ATRNL1: variants seen among roughly 807,000 people sequenced by gnomAD.
ATRNL1 encodes the protein attractin-like protein 1.
In ATRNL1, 95 loss-of-function variants were observed where a neutral mutation model predicts 182.7. That is an observed-to-expected ratio of 0.52 (90% CI 0.44 to 0.62). ATRNL1 has a LOEUF of 0.62. Ranked by LOEUF, ATRNL1 falls within the 20% of genes least tolerant of loss-of-function variation. The pLI, the probability that ATRNL1 is intolerant of heterozygous loss-of-function variation, is 0.00. For missense variants in ATRNL1, 1,471 were observed against 1,679.5 expected, an observed-to-expected ratio of 0.88 and a Z score of 2.17; for synonymous variants, 576 against 568.3, an observed-to-expected ratio of 1.01 and a Z score of -0.19.
intron 8 of ATRNL1, among the ~76,000 whole-genome samples, chr10:115,203,399 A>G (rs1022392346): frequency 6.6e-6 from 1 of 152,084 alleles, no homozygotes; most frequent in Non-Finnish European, 1.5e-5. Flanking sequence ...AGTAAATAAT[A>G]GCCCCCTCAT....
intron 5 of ATRNL1, among the ~76,000 whole-genome samples, chr10:115,136,288 A>G (rs961370215): frequency 1.3e-5 from 2 of 152,232 alleles, no homozygotes; most frequent in African/African-American, 2.4e-5. Context: ...AATAAAAAAA[A>G]TAGACTTCAT....
At chr10:115,310,390 T>C (rs1246937170) in intron 17 of ATRNL1, among the ~76,000 whole-genome samples, 1 of 152,168 alleles carries the variant, frequency 6.6e-6, no homozygotes, top group Non-Finnish European at 1.5e-5. Flanking sequence ...CTCAGTCTTT[T>C]GCAACAGTTT....
chr10:115,300,377 C>T (rs1270840292), intron 16 of ATRNL1, 130 bp downstream of exon 16: 1 of 651,636 alleles, frequency 1.5e-6, no homozygotes. Context: ...CATTCTTCCC[C>T]ACTTACTATT....
At chr10:115,491,210 G>A (rs1285490451) in intron 24 of ATRNL1, among the ~76,000 whole-genome samples, 2 of 152,134 alleles carry the variant, frequency 1.3e-5, no homozygotes, top group East Asian at 3.9e-4. Flanking sequence ...TACACTGGGG[G>A]TCAGGGACCC....
intron 19 of ATRNL1, among the ~76,000 whole-genome samples, chr10:115,346,044 C>T (rs1554939594): frequency 6.6e-6 from 1 of 152,048 alleles, no homozygotes; most frequent in East Asian, 1.9e-4. Flanking sequence ...TGGAGAAATA[C>T]TTATTCAAGT....
intron 5 of ATRNL1, among the ~76,000 whole-genome samples, chr10:115,137,474 A>G (rs1392448782): frequency 6.6e-6 from 1 of 152,222 alleles, no homozygotes; most frequent in African/African-American, 2.4e-5. Flanking sequence ...AGACTGGGCA[A>G]TTTACAAAAG....
At chr10:115,787,539 A>C (rs529914663) in intron 27 of ATRNL1, among the ~76,000 whole-genome samples, 1 of 152,202 alleles carries the variant, frequency 6.6e-6, no homozygotes, top group East Asian at 1.9e-4. Flanking sequence ...TCTTACCTTC[A>C]TAGTAATCCA....
intron 21 of ATRNL1, among the ~76,000 whole-genome samples, chr10:115,453,626 G>T (rs1309082331): frequency 6.6e-6 from 1 of 151,990 alleles, no homozygotes; most frequent in Non-Finnish European, 1.5e-5. Flanking sequence ...CATAAAAAAT[G>T]ATGAGTTCAT....
intron 21 of ATRNL1, among the ~76,000 whole-genome samples, chr10:115,453,927 C>T (rs1228083056): frequency 6.6e-6 from 1 of 151,362 alleles, no homozygotes; most frequent in Non-Finnish European, 1.5e-5. Context: ...TGCACATGTA[C>T]CCTAAAACTT....
chr10:115,738,303 C>A (rs1948039859), intron 27 of ATRNL1, among the ~76,000 whole-genome samples: 2 of 150,542 alleles, frequency 1.3e-5, no homozygotes, highest in African/African-American at 4.9e-5. Flanking sequence ...CAATGCCCAG[C>A]TAATTTTTAT....
chr10:115,628,274 G>T (rs571865515), intron 26 of ATRNL1, among the ~76,000 whole-genome samples: 2 of 152,140 alleles, frequency 1.3e-5, no homozygotes, highest in South Asian at 4.2e-4. Flanking sequence ...AAATTATACA[G>T]CTATTCTCAT....
At chr10:115,266,521 A>G (rs894151069) in intron 11 of ATRNL1, among the ~76,000 whole-genome samples, 4 of 151,622 alleles carry the variant, frequency 2.6e-5, no homozygotes, top group Admixed American at 6.6e-5. Flanking sequence ...TTAACAATAA[A>G]ACATGTTTTG....
At chr10:115,836,434 T>TA (rs1950673532) in intron 27 of ATRNL1, among the ~76,000 whole-genome samples, 2 of 152,128 alleles carry the variant, frequency 1.3e-5, no homozygotes, top group African/African-American at 4.8e-5. Flanking sequence ...CTTGGTGGCT[T>TA]AAAAAAACAG....
At chr10:115,481,312 G>A (rs554851270) in intron 24 of ATRNL1, among the ~76,000 whole-genome samples, 1 of 150,412 alleles carries the variant, frequency 6.6e-6, no homozygotes, top group East Asian at 1.9e-4. Flanking sequence ...AAAGAGCAAG[G>A]TGATGAATAT....
intron 24 of ATRNL1, among the ~76,000 whole-genome samples, chr10:115,510,714 G>C (rs1013901617): frequency 4.6e-5 from 7 of 151,944 alleles, no homozygotes; most frequent in Non-Finnish European, 7.4e-5. Context: ...TCCAACATAT[G>C]CCTGTACTGT....
At chr10:115,211,614 C>CTT (rs551165572) in intron 8 of ATRNL1, among the ~76,000 whole-genome samples, 3 of 145,788 alleles carry the variant, frequency 2.1e-5, no homozygotes, top group African/African-American at 7.5e-5. Flanking sequence ...GCCATCATTT[C>CTT]TTTTTTTTTT....
rs782801146 is a variant in ATRNL1, at chr10:115,519,247, T to A, written c.3655-16T>A. ...AGAAGAACATACTTTCAATTTTTTT[T>A]ATTTTGATTTTTCAGATTGCATTCT... On this transcript the variant is annotated splice_polypyrimidine_tract_variant and intron_variant, in intron 24 of 28. Transcript: ENST00000355044. The A allele has an allele frequency of 1.9e-5, 30 of 1,605,510 alleles. No homozygotes were observed. The highest frequency in any genetic ancestry group is 2.5e-5 in the Non-Finnish European group (29 of 1,175,058).
chr10:115,489,141 C>G (rs1465543427), intron 24 of ATRNL1, among the ~76,000 whole-genome samples: 2 of 152,076 alleles, frequency 1.3e-5, no homozygotes, highest in Non-Finnish European at 2.9e-5. Flanking sequence ...ATTTTACTTA[C>G]AATCATGTGG....
intron 19 of ATRNL1, among the ~76,000 whole-genome samples, chr10:115,386,217 A>T (rs1312462332): frequency 6.6e-6 from 1 of 152,186 alleles, no homozygotes; most frequent in Admixed American, 6.5e-5. Flanking sequence ...AGATATTTAA[A>T]AATCCTTTCA....
Sources: gnomAD v4.1 joint callset for allele counts (sites outside exome capture counted in the v4.1 genomes callset) on GRCh38, gnomAD v4.1.1 for gene constraint, MANE v1.5 for transcripts, NCBI Gene and HGNC (gene_info 2026-07-23, HGNC 2026-07-21) for gene names.